The following MGST1 variants were observed in gnomAD, a reference collection of about 807,000 sequenced individuals.
The protein encoded by MGST1 is microsomal glutathione S-transferase 1, also known as glutathione S-transferase 12.
A neutral mutation model predicts 8.9 loss-of-function variants in MGST1; 5 were observed. The observed-to-expected ratio is 0.56, with a 90% confidence interval of 0.29 to 1.19. MGST1 has a LOEUF of 1.19. Ranked by LOEUF, MGST1 falls within the 50% of genes most tolerant of loss-of-function variation. The probability of loss-of-function intolerance (pLI) is 0.08; values close to 1 mark genes in which losing one functional copy is unlikely to be tolerated. For missense variants in MGST1, 182 were observed against 187.4 expected (o/e 0.97, Z 0.17); for synonymous variants, 54 against 67.8 (o/e 0.80, Z 1.00).
rs147500669 is a variant in MGST1 at position 16,503,848 on chromosome 12, G to A, written n.483-85680G>A. On this transcript the variant is annotated intron_variant and non_coding_transcript_variant, in intron 4 of 4. Transcript: ENST00000538857. This position sits in a 1 kb window ranked among gnomAD's most constrained non-coding sequence, Gnocchi z 4.8. ...CTTAATTTGCATTTAATTAAAAGTGGGTGTAAATATGACTGCATAACTACC... is the reference window on the plus strand; with the variant it reads ...CTTAATTTGCATTTAATTAAAAGTGAGTGTAAATATGACTGCATAACTACC... Among the ~76,000 whole-genome samples the A allele has an allele frequency of 2.0e-5, 3 of 152,244 alleles. No homozygotes were observed. Among genetic ancestry groups the A allele is most frequent in the South Asian group, 2.1e-4 (1 of 4,828 alleles).
intron 4 of MGST1, among the ~76,000 whole-genome samples, chr12:16,455,643 T>C (rs1941166238): frequency 6.6e-6 from 1 of 151,862 alleles, no homozygotes; most frequent in Non-Finnish European, 1.5e-5. Context: ...AAATAATCTA[T>C]GCCTGAGCAT....
chr12:16,530,469 G>C (rs920435527), intron 4 of MGST1, among the ~76,000 whole-genome samples: 1 of 152,062 alleles, frequency 6.6e-6, no homozygotes, highest in African/African-American at 2.4e-5. Flanking sequence ...AATAAATACA[G>C]ATATAGGAGT....
chr12:16,475,777 C>A (rs1162233662), intron 4 of MGST1, among the ~76,000 whole-genome samples: 1 of 152,130 alleles, frequency 6.6e-6, no homozygotes, highest in African/African-American at 2.4e-5. Flanking sequence ...GTCCCTGTTG[C>A]ACTCCCTTCC....
chr12:16,471,586 A>G (rs1049920986), intron 4 of MGST1, among the ~76,000 whole-genome samples: 1 of 152,208 alleles, frequency 6.6e-6, no homozygotes, highest in African/African-American at 2.4e-5. Flanking sequence ...TAGCACAACA[A>G]AACAAACTGA....
Position 16,363,964 on chromosome 12 carries a change from G to A in MGST1, c.391G>A (p.Ala131Thr), listed in dbSNP as rs1940119376. 1.9e-6 allele frequency: 3 copies of A among 1,613,738 alleles called. No individual in the cohort carries two copies. The highest frequency in any genetic ancestry group is 2.7e-5 in the African/African-American group (2 of 74,858). Reference sequence around the variant, plus strand: ...GACACCCCTTCCCCAGCCAAATAGAGCTTTGAGTTTTTTTGTTGGATATGG... The same window carrying A: ...GACACCCCTTCCCCAGCCAAATAGAACTTTGAGTTTTTTTGTTGGATATGG... ...YLTPLPQPNRALSFFVGYGVT... is the reference protein window; with the variant it reads ...YLTPLPQPNRTLSFFVGYGVT... The change falls in exon 4 of 4, where the codon GCT (alanine) becomes ACT (threonine). Residue 131 changes from alanine to threonine, a missense_variant. Coordinates refer to ENST00000396210, the MANE Select transcript of MGST1 (RefSeq NM_020300.5). This position sits in a 1 kb window ranked among gnomAD's most constrained non-coding sequence, Gnocchi z 4.6.
At chr12:16,418,487 T>G (rs181887900) in intron 1 of MGST1, among the ~76,000 whole-genome samples, 21 of 152,318 alleles carry the variant, frequency 1.4e-4, no homozygotes, top group African/African-American at 4.3e-4. Context: ...TGCTCATTAT[T>G]CTCTGATAAA....
At chr12:16,400,032 C>A in intron 1 of MGST1, 1 of 1,570,140 alleles carries the variant, frequency 6.4e-7, no homozygotes, top group Non-Finnish European at 8.8e-7. Flanking sequence ...CCCTAAAAGG[C>A]ACTTCAAATT....
At chr12:16,453,799 G>A (rs1941148656) in intron 4 of MGST1, among the ~76,000 whole-genome samples, 1 of 151,270 alleles carries the variant, frequency 6.6e-6, no homozygotes, top group Non-Finnish European at 1.5e-5. Context: ...TTCCCCATGT[G>A]CGTGTCTATC....
chr12:16,360,117 GAA>G (rs1939918976), intron 3 of MGST1, among the ~76,000 whole-genome samples: 1 of 152,188 alleles, frequency 6.6e-6, no homozygotes, highest in Non-Finnish European at 1.5e-5. Context: ...CATACTGAGA[GAA>G]GAGCGTCTCC....
chr12:16,467,691 T>G (rs1284329311), intron 4 of MGST1, among the ~76,000 whole-genome samples: 2 of 152,212 alleles, frequency 1.3e-5, no homozygotes, highest in Non-Finnish European at 2.9e-5. Context: ...AATATGACTT[T>G]ACTTAATTAT....
intron 4 of MGST1, among the ~76,000 whole-genome samples, chr12:16,445,519 A>G (rs1398855118): frequency 6.6e-6 from 1 of 151,962 alleles, no homozygotes; most frequent in East Asian, 1.9e-4. Flanking sequence ...AGATCTCTTT[A>G]TGAGAAAAAG....
intron 1 of MGST1, among the ~76,000 whole-genome samples, chr12:16,395,716 A>G (rs1353386998): frequency 6.6e-6 from 1 of 150,640 alleles, no homozygotes; most frequent in Non-Finnish European, 1.5e-5. Context: ...AATAGTCTCC[A>G]GTTCCATCTA....
In MGST1 at chr12:16,531,231, C is replaced by CA. The variant is rs907966151; in HGVS notation, n.483-58291dup. Among the ~76,000 whole-genome samples the CA allele has an allele frequency of 1.4e-4, 20 of 142,340 alleles. No individual in the cohort carries two copies. In the South Asian group the frequency reaches 2.3e-3, roughly 16 times the overall value. 93.4% of individuals were successfully genotyped at this position (142,340 alleles called of 152,430 possible). A position where few individuals can be genotyped will look rare whatever the true frequency, so the allele number is the denominator to read the frequency against. On this transcript the variant is annotated intron_variant and non_coding_transcript_variant, in intron 4 of 4. Coordinates refer to the MGST1 transcript ENST00000538857. ...AGGAGGGTCTATGATCCCTTCTAAC[C>CA]AAAAAACCTAATTTTCAAAACAAAT...
intron 4 of MGST1, among the ~76,000 whole-genome samples, chr12:16,444,180 T>C (rs1941060725): frequency 6.7e-6 from 1 of 150,058 alleles, no homozygotes; most frequent in African/African-American, 2.5e-5. Flanking sequence ...ATTGGCTGAT[T>C]TGGTTTTTTT....
chr12:16,497,820 T>G lies in MGST1; in HGVS notation n.483-91708T>G, dbSNP rs368267159. ...GCTTTTGTAAGAATTCCCTTGGTAATATGTTAAAATAGCACATTCTTTGGA... is the reference window on the plus strand; with the variant it reads ...GCTTTTGTAAGAATTCCCTTGGTAAGATGTTAAAATAGCACATTCTTTGGA... On this transcript the variant is annotated intron_variant and non_coding_transcript_variant, in intron 4 of 4. Transcript: ENST00000538857. This position sits in a 1 kb window ranked among gnomAD's most constrained non-coding sequence, Gnocchi z 4.4. 6.6e-6 allele frequency among the ~76,000 whole-genome samples: 1 copy of G among 152,172 alleles called. No homozygotes were observed. Among genetic ancestry groups the G allele is most frequent in the East Asian group, 1.9e-4 (1 of 5,190 alleles).
intron 4 of MGST1, among the ~76,000 whole-genome samples, chr12:16,545,068 A>G (rs993949449): frequency 1.3e-5 from 2 of 152,086 alleles, no homozygotes; most frequent in Admixed American, 6.6e-5. Flanking sequence ...CTTTAAGTAT[A>G]TTTAAAAAAT....
chr12:16,385,316 G>A (rs1940495137), intron 1 of MGST1, among the ~76,000 whole-genome samples: 1 of 152,192 alleles, frequency 6.6e-6, no homozygotes, highest in South Asian at 2.1e-4. Flanking sequence ...TAATCAGTGT[G>A]AATGGGGCAA....
rs66984063 is a variant in MGST1 at position 16,450,839 on chromosome 12, C to CGTGTGT, written n.482+67268_482+67273dup. Reference sequence around the variant, plus strand: ...GGATGGTTTTCAAATATATATATTCCGTGTGTGTGTGTGTGTGTGTGTGTG... The same window carrying CGTGTGT: ...GGATGGTTTTCAAATATATATATTCCGTGTGTGTGTGTGTGTGTGTGTGTGTGTGTG... On this transcript the variant is annotated intron_variant and non_coding_transcript_variant, in intron 4 of 4. Transcript: ENST00000538857. 5.1e-4 allele frequency among the ~76,000 whole-genome samples: 76 copies of CGTGTGT among 147,992 alleles called. No homozygotes were observed. The East Asian group carries it at 0.014, about 27-fold the overall frequency.
chr12:16,368,463 C>T (rs1940231317), downstream of MGST1, among the ~76,000 whole-genome samples: 1 of 152,188 alleles, frequency 6.6e-6, no homozygotes, highest in Admixed American at 6.5e-5. Context: ...CATCTCCCCG[C>T]TGCCAGCCTG....
Sources: gnomAD v4.1 joint callset for allele counts (sites outside exome capture counted in the v4.1 genomes callset) on GRCh38, gnomAD v4.1.1 for gene constraint, Gnocchi (gnomAD v3.1) non-coding constraint, MANE v1.5 for transcripts, NCBI Gene and HGNC (gene_info 2026-07-23, HGNC 2026-07-21) for gene names.